Variants in LITAF observed in about 807,000 individuals in gnomAD.
LITAF encodes the protein lipopolysaccharide induced TNF factor.
Under a neutral mutation model 14.5 loss-of-function variants are expected in LITAF, and 9 were observed. The ratio of observed to expected loss-of-function variants is 0.62; its 90% CI spans 0.37 to 1.08. LITAF has a LOEUF of 1.08. Among genes scored for constraint, LITAF ranks in the 50% least tolerant of loss-of-function variants. LITAF has a pLI of 0.01. For synonymous variants in LITAF, 98 were observed against 88.2 expected, an observed-to-expected ratio of 1.11 and a Z score of -0.62; for missense variants, 206 against 213.4, an observed-to-expected ratio of 0.97 and a Z score of 0.22.
chr16:11,571,427 T>C (rs1284631194), intron 1 of LITAF, among the ~76,000 whole-genome samples: 1 of 152,194 alleles, frequency 6.6e-6, no homozygotes, highest in Non-Finnish European at 1.5e-5. Flanking sequence ...AACTGGAAGA[T>C]ACTACATTCA....
At chr16:11,639,496 T>C (rs1244507805), upstream of LITAF, among the ~76,000 whole-genome samples, 2 of 152,068 alleles carry the variant, frequency 1.3e-5, no homozygotes, top group Admixed American at 6.6e-5. Context: ...GATGGATAGA[T>C]GGATGGACAA....
chr16:11,568,680 T>TTTG (rs1555468722), intron 1 of LITAF, among the ~76,000 whole-genome samples: 2 of 126,440 alleles, frequency 1.6e-5, no homozygotes, highest in Non-Finnish European at 3.4e-5. Flanking sequence ...CTTGTTTTTT[T>TTTG]TTGTTTTTTT....
intron 3 of LITAF, among the ~76,000 whole-genome samples, chr16:11,612,901 TC>T (rs2064991613): frequency 6.6e-6 from 1 of 152,140 alleles, no homozygotes; most frequent in African/African-American, 2.4e-5. Flanking sequence ...GAACCCTGTG[TC>T]CCCCTAGAAT....
chr16:11,593,573 G>T (rs919042972), intron 1 of LITAF, among the ~76,000 whole-genome samples: 4 of 152,066 alleles, frequency 2.6e-5, no homozygotes, highest in African/African-American at 9.7e-5. Context: ...AAAAGGTAGG[G>T]ATAACTCAAA....
At chr16:11,637,966 CTATATATCTATATATATCTA>C (rs1229224477), upstream of LITAF, among the ~76,000 whole-genome samples, 154 of 30,808 alleles carry the variant, frequency 5.0e-3, 17 homozygotes, top group South Asian at 0.028. Context: ...CTATATATAT[CTATATATCTATATATATCTA>C]TATATATCTA....
intron 1 of LITAF, among the ~76,000 whole-genome samples, chr16:11,568,288 GA>G (rs35115784): frequency 0.066 from 7,671 of 115,650 alleles, 331 homozygotes; most frequent in African/African-American, 0.14. Flanking sequence ...ACCCTGTCTC[GA>G]AAAAAAAAAA....
chr16:11,553,733 A>C lies in LITAF; in HGVS notation c.221-44T>G, dbSNP rs769713215. On this transcript the variant is annotated intron_variant, in intron 2 of 3. Transcript: ENST00000622633. The surrounding 1 kb of genome is among the most constrained non-coding windows in gnomAD (Gnocchi z 7.7). ...ACAAACACAGGTTGCTCAGGAAACA[A>C]GGCCAATAGCATTCACTACAGGACA... 1 of 1,609,022 alleles carries C rather than the reference A, an allele frequency of 6.2e-7. No individual in the cohort carries two copies. The highest frequency in any genetic ancestry group is 1.3e-5 in the African/African-American group (1 of 74,850).
intron 1 of LITAF, among the ~76,000 whole-genome samples, chr16:11,568,687 T>TTTG (rs1555468739): frequency 3.3e-5 from 5 of 150,100 alleles, no homozygotes; most frequent in Middle Eastern, 6.8e-3. Flanking sequence ...TTTTTTGTTT[T>TTTG]TTTTTTTTTT....
chr16:11,549,841 G>C lies in LITAF; in HGVS notation c.378-96C>G. The C allele has an allele frequency of 4.1e-6, 4 of 981,758 alleles. No individual in the cohort carries two copies. Among genetic ancestry groups the C allele is most frequent in the Non-Finnish European group, 6.3e-6 (4 of 631,002 alleles). The allele number at this position is 981,758 out of a possible 1,614,324, so 60.8% of individuals were successfully genotyped here. Reference sequence around the variant, plus strand: ...TGTTCATGTCCTTCTTTGTAAAAAGGGTCTTTGCCAGTATAATTAGGAATT... The same window carrying C: ...TGTTCATGTCCTTCTTTGTAAAAAGCGTCTTTGCCAGTATAATTAGGAATT... On this transcript the variant is annotated intron_variant, in intron 3 of 3. Transcript: ENST00000622633. The surrounding 1 kb of genome is among the most constrained non-coding windows in gnomAD (Gnocchi z 4.6).
intron 2 of LITAF, among the ~76,000 whole-genome samples, chr16:11,635,186 T>C (rs1567270014): frequency 6.6e-6 from 1 of 152,218 alleles, no homozygotes; most frequent in Non-Finnish European, 1.5e-5. Context: ...ATCTGGGCAG[T>C]GGGCAAAAGA....
upstream of LITAF, among the ~76,000 whole-genome samples, chr16:11,601,138 G>T (rs955417319): frequency 6.6e-6 from 1 of 151,184 alleles, no homozygotes; most frequent in Non-Finnish European, 1.5e-5. Context: ...TCCTCCTTTT[G>T]CACCTGCCTC....
At chr16:11,552,772 G>C (rs188852676) in intron 3 of LITAF, among the ~76,000 whole-genome samples, 7 of 152,270 alleles carry the variant, frequency 4.6e-5, no homozygotes, top group African/African-American at 7.2e-5. Context: ...GTGGGGGCCA[G>C]GGATGCTATT....
At chr16:11,600,057 G>A (rs146353377), upstream of LITAF, among the ~76,000 whole-genome samples, 2 of 152,166 alleles carry the variant, frequency 1.3e-5, no homozygotes, top group African/African-American at 2.4e-5. The surrounding 1 kb of genome is among the most constrained non-coding windows in gnomAD (Gnocchi z 4.1). Context: ...GTGCAGTGGC[G>A]TGATCATATA....
Position 11,549,596 on chromosome 16 carries a change from A to G in LITAF, c.*41T>C. 6.8e-7 allele frequency: 1 copy of G among 1,473,568 alleles called. No individual in the cohort carries two copies. Among genetic ancestry groups the G allele is most frequent in the Non-Finnish European group, 9.4e-7 (1 of 1,062,178 alleles). 91.3% of individuals were successfully genotyped at this position (1,473,568 alleles called of 1,614,324 possible). A position where few individuals can be genotyped will look rare whatever the true frequency, so the allele number is the denominator to read the frequency against. On this transcript the variant is annotated 3_prime_UTR_variant, in exon 4 of 4. Coordinates refer to ENST00000622633, the MANE Select transcript of LITAF (RefSeq NM_001136472.2). The surrounding 1 kb of genome is among the most constrained non-coding windows in gnomAD (Gnocchi z 4.6). ...TGAAGCTGGATGAGAGGTGGAAAGG[A>G]CTTCCTGCGGCACCCGGCTCCCTCC...
chr16:11,610,651 C>A (rs375806553), intron 3 of LITAF, among the ~76,000 whole-genome samples: 2 of 152,108 alleles, frequency 1.3e-5, no homozygotes, highest in Non-Finnish European at 2.9e-5. Context: ...AGGAAAAAAA[C>A]CATCGCCCAG....
chr16:11,598,710 C>T (rs1228254660), upstream of LITAF, among the ~76,000 whole-genome samples: 3 of 152,126 alleles, frequency 2.0e-5, no homozygotes, highest in South Asian at 2.1e-4. Context: ...CCTGAGCCAG[C>T]GCCTCCCTTC....
chr16:11,582,542 T>A (rs1364616128), intron 1 of LITAF, among the ~76,000 whole-genome samples: 1 of 152,064 alleles, frequency 6.6e-6, no homozygotes, highest in African/African-American at 2.4e-5. Context: ...GGAGAAATAT[T>A]CAATTCTACT....
intron 3 of LITAF, among the ~76,000 whole-genome samples, chr16:11,550,464 G>A (rs1490848217): frequency 2.0e-5 from 3 of 152,088 alleles, no homozygotes; most frequent in African/African-American, 7.2e-5. Flanking sequence ...TAAACACTAG[G>A]TGTGTTGTAA....
chr16:11,556,312 T>C, intron 2 of LITAF, 199 bp downstream of exon 2: 1 of 598,948 alleles, frequency 1.7e-6, no homozygotes, highest in Non-Finnish European at 3.0e-6. Context: ...TCCTAAACCA[T>C]ACTTTATTAC....
Sources: gnomAD v4.1 joint callset for allele counts (sites outside exome capture counted in the v4.1 genomes callset) on GRCh38, gnomAD v4.1.1 for gene constraint, Gnocchi (gnomAD v3.1) non-coding constraint, MANE v1.5 for transcripts, NCBI Gene and HGNC (gene_info 2026-07-23, HGNC 2026-07-21) for gene names.